Variants in FER1L6 observed in about 807,000 individuals in gnomAD.
The protein encoded by FER1L6 is fer-1-like protein 6.
FER1L6 carries 177 observed loss-of-function variants against 219.2 expected under a neutral mutation model. That is an observed-to-expected ratio of 0.81 (90% CI 0.71 to 0.91). FER1L6 has a LOEUF of 0.91. FER1L6 is among the 40% of genes least tolerant of loss of function. The pLI, the probability that FER1L6 is intolerant of heterozygous loss-of-function variation, is 0.00. For synonymous variants in FER1L6, 768 were observed against 824.3 expected (o/e 0.93, Z 1.17); for missense variants, 2,153 against 2,259.9 (o/e 0.95, Z 0.96).
intron 1 of FER1L6, among the ~76,000 whole-genome samples, chr8:123,927,833 T>C (rs1312735290): frequency 6.6e-6 from 1 of 152,250 alleles, no homozygotes; most frequent in Non-Finnish European, 1.5e-5. Context: ...TGACAAGATT[T>C]GTTCTTTATG....
At chr8:124,074,108 C>G (rs1821182849) in intron 31 of FER1L6, among the ~76,000 whole-genome samples, 1 of 152,068 alleles carries the variant, frequency 6.6e-6, no homozygotes, top group Admixed American at 6.6e-5. Flanking sequence ...TTTTTGATAC[C>G]ATTTCTTACC....
intron 1 of FER1L6, among the ~76,000 whole-genome samples, chr8:123,876,718 A>AT (rs566241361): frequency 6.8e-4 from 103 of 151,114 alleles, no homozygotes; most frequent in Middle Eastern, 3.4e-3. Context: ...CTTTAATCTG[A>AT]TTTTTTTTTC....
chr8:124,048,444 A>G lies in FER1L6; in HGVS notation c.2725-1163A>G, dbSNP rs1278609240. ...AAATAGCACAGCAGAATGACTGCGC[A>G]GCCCCATGCTGCCTCTGGGGGAATG... On this transcript the variant is annotated intron_variant, in intron 21 of 40. Transcript: ENST00000522917. Among the ~76,000 whole-genome samples the G allele has an allele frequency of 2.6e-5, 4 of 152,272 alleles. No homozygotes were observed. In the East Asian group the frequency reaches 7.7e-4, roughly 29 times the overall value.
intron 1 of FER1L6, among the ~76,000 whole-genome samples, chr8:123,909,690 C>A (rs796204746): frequency 2.6e-4 from 39 of 152,268 alleles, no homozygotes; most frequent in African/African-American, 7.7e-4. Flanking sequence ...AGTTTTATAG[C>A]CTAGGGCCAA....
In FER1L6 at chr8:124,119,754, A is replaced by AG; in HGVS notation, c.5540dup (p.Ala1848SerfsTer84). On this transcript the variant is annotated frameshift_variant, in exon 41 of 41. Coordinates refer to ENST00000522917, the MANE Select transcript of FER1L6 (RefSeq NM_001039112.2). LOFTEE classifies it high-confidence loss of function. ...TCGTCCTTTTCATCTACACCTTGCC[A>AG]GGAGCCATCAGCCGAAGGATCGTTG... 6.2e-7 allele frequency: 1 copy of AG among 1,614,108 alleles called. No homozygotes were observed. Among genetic ancestry groups the AG allele is most frequent in the Non-Finnish European group, 8.5e-7 (1 of 1,179,996 alleles).
At chr8:124,004,435 T>C (rs1817568772) in intron 13 of FER1L6, among the ~76,000 whole-genome samples, 1 of 152,222 alleles carries the variant, frequency 6.6e-6, no homozygotes, top group Non-Finnish European at 1.5e-5. Flanking sequence ...CTGACACAGC[T>C]ACATCTCTAC....
At chr8:124,103,036 T>A in intron 38 of FER1L6, 110 bp from the exon 39 acceptor site, 2 of 1,010,258 alleles carry the variant, frequency 2.0e-6, no homozygotes, top group African/African-American at 1.6e-5. Context: ...TGGTACTGAT[T>A]GAATGAGTAG....
intron 1 of FER1L6, among the ~76,000 whole-genome samples, chr8:123,897,328 T>A (rs547135474): frequency 6.5e-4 from 99 of 152,178 alleles, no homozygotes; most frequent in Admixed American, 1.9e-3. Flanking sequence ...CTAGACTGAG[T>A]TTCCCCAGCT....
chr8:123,872,936 A>G (rs1378046356), intron 1 of FER1L6, among the ~76,000 whole-genome samples: 1 of 152,206 alleles, frequency 6.6e-6, no homozygotes, highest in East Asian at 1.9e-4. Flanking sequence ...TCACACTGCT[A>G]TATGTTGGAC....
Position 124,011,986 on chromosome 8 carries a change from T to C in FER1L6, c.1821+1272T>C, listed in dbSNP as rs528478446. On this transcript the variant is annotated intron_variant, in intron 14 of 40. Transcript: ENST00000522917. Reference sequence around the variant, plus strand: ...ACAGTGCCAATCAATATCCAATCAATGCTAGATTTTCCCACCTAAGCCCAA... The same window carrying C: ...ACAGTGCCAATCAATATCCAATCAACGCTAGATTTTCCCACCTAAGCCCAA... Among the ~76,000 whole-genome samples the C allele has an allele frequency of 2.0e-5, 3 of 152,292 alleles. No homozygotes were observed. In the East Asian group the frequency reaches 5.8e-4, roughly 29 times the overall value.
At chr8:123,953,977 G>C (rs991546422) in intron 1 of FER1L6, among the ~76,000 whole-genome samples, 4 of 152,212 alleles carry the variant, frequency 2.6e-5, no homozygotes, top group African/African-American at 7.2e-5. Context: ...GTTCTCATCA[G>C]AGGATGATGG....
intron 39 of FER1L6, among the ~76,000 whole-genome samples, chr8:124,115,774 T>A (rs1449414386): frequency 6.6e-6 from 1 of 152,114 alleles, no homozygotes; most frequent in Non-Finnish European, 1.5e-5. Flanking sequence ...CTCAGTACAG[T>A]GAGACTTAAA....
chr8:123,974,633 CCAGGCATCA>C (rs1258070348), intron 7 of FER1L6, among the ~76,000 whole-genome samples: 1 of 101,832 alleles, frequency 9.8e-6, no homozygotes, highest in Non-Finnish European at 2.2e-5. Context: ...TGCTCTCCAG[CCAGGCATCA>C]CAGCGAGACT....
intron 7 of FER1L6, among the ~76,000 whole-genome samples, chr8:123,974,268 G>C (rs1020181661): frequency 1.3e-5 from 2 of 152,266 alleles, no homozygotes; most frequent in African/African-American, 4.8e-5. Context: ...TGGGAAAGGA[G>C]ACAGGAAGGC....
intron 13 of FER1L6, among the ~76,000 whole-genome samples, chr8:124,005,645 A>G (rs1039700787): frequency 3.9e-5 from 6 of 152,312 alleles, no homozygotes; most frequent in African/African-American, 1.2e-4. Context: ...ATTCACACAC[A>G]TATCTGTTCA....
Position 124,071,528 on chromosome 8 carries a change from G to T in FER1L6, c.3989G>T (p.Ser1330Ile). 3 of 1,614,036 alleles carry T rather than the reference G, an allele frequency of 1.9e-6. No individual in the cohort carries two copies. The highest frequency in any genetic ancestry group is 2.5e-6 in the Non-Finnish European group (3 of 1,179,972). ...KFKGSFCIYK[S>I]PQDSSSEDSG... The stretch of plus-strand genomic sequence containing the variant: ...CAGGGCTCCTTCTGCATCTACAAAA[G>T]CCCCCAGGATTCTAGCTCTGAGGAC... The change falls in exon 31 of 41, where the codon AGC becomes ATC. Residue 1330 changes from serine (S) to isoleucine (I), a missense_variant. Ser to Ile is a moderately radical substitution (Grantham distance 142, BLOSUM62 -2). Coordinates refer to ENST00000522917, the MANE Select transcript of FER1L6 (RefSeq NM_001039112.2).
intron 5 of FER1L6, among the ~76,000 whole-genome samples, chr8:123,966,723 G>A (rs1308686508): frequency 6.6e-6 from 1 of 152,166 alleles, no homozygotes; most frequent in Non-Finnish European, 1.5e-5. Context: ...TTTCTAAGCT[G>A]TGTAGAAATT....
intron 1 of FER1L6, among the ~76,000 whole-genome samples, chr8:123,883,463 G>A (rs1817146735): frequency 6.6e-6 from 1 of 152,208 alleles, no homozygotes; most frequent in South Asian, 2.1e-4. Flanking sequence ...AGAAGGCCTT[G>A]TATGCACAGT....
intron 18 of FER1L6, among the ~76,000 whole-genome samples, chr8:124,029,837 C>A (rs1283478362): frequency 1.3e-5 from 2 of 152,180 alleles, no homozygotes; most frequent in African/African-American, 4.8e-5. Flanking sequence ...AAAATATTTG[C>A]TCATGCCTAT....
Sources: allele counts gnomAD v4.1 joint callset (sites outside exome capture counted in the v4.1 genomes callset), GRCh38; gene constraint gnomAD v4.1.1; transcripts MANE v1.5; gene names NCBI Gene and HGNC (gene_info 2026-07-23, HGNC 2026-07-21).